RBPMS2: variants seen among roughly 807,000 people sequenced by gnomAD.
RBPMS2 encodes the protein RNA-binding protein with multiple splicing 2.
A neutral mutation model predicts 25.7 loss-of-function variants in RBPMS2; 14 were observed. The ratio of observed to expected loss-of-function variants is 0.55; its 90% confidence interval spans 0.36 to 0.85. The LOEUF (loss-of-function observed/expected upper bound fraction) is 0.85. Among genes scored for constraint, RBPMS2 ranks in the 40% least tolerant of loss-of-function variants. RBPMS2 has a pLI of 0.01. For synonymous variants in RBPMS2, 127 were observed against 115.6 expected (o/e 1.10, Z -0.63); for missense variants, 252 against 283.4 (o/e 0.89, Z 0.80).
intron 6 of RBPMS2, among the ~76,000 whole-genome samples, chr15:64,744,133 G>A (rs1254088897): frequency 1.3e-4 from 19 of 150,334 alleles, no homozygotes; most frequent in Admixed American, 1.1e-3. Flanking sequence ...ACTAAAAAAA[G>A]AGAAAGGAAA....
At chr15:64,763,661 C>A (rs1479468144) in intron 1 of RBPMS2, among the ~76,000 whole-genome samples, 1 of 152,152 alleles carries the variant, frequency 6.6e-6, no homozygotes, top group Non-Finnish European at 1.5e-5. Flanking sequence ...TATGGGGTCC[C>A]CATTTTACAG....
chr15:64,757,812 C>CG (rs954008312), intron 1 of RBPMS2, among the ~76,000 whole-genome samples: 8 of 151,340 alleles, frequency 5.3e-5, no homozygotes, highest in East Asian at 3.9e-4. Context: ...AGGCCCTATC[C>CG]CCCCCCACAA....
At position 64,749,498 on chromosome 15, in the gene RBPMS2, T is replaced by G. The variant is rs1248485226; in HGVS notation, c.205-5A>C. ...AAAGATCACAAAACCAACAGGCTAG[T>G]AGGAAAAAGAGAGAACACCCTTATA... On this transcript the variant is annotated splice_polypyrimidine_tract_variant and splice_region_variant and intron_variant, in intron 3 of 7. Transcript: ENST00000300069. 6.2e-7 allele frequency: 1 copy of G among 1,610,000 alleles called. No individual in the cohort carries two copies. Among genetic ancestry groups the G allele is most frequent in the Admixed American group, 1.7e-5 (1 of 59,002 alleles).
chr15:64,752,563 T>C lies in RBPMS2; in HGVS notation c.88-925A>G, dbSNP rs148385278. The stretch of plus-strand genomic sequence containing the variant: ...ACAGTCAAAACCATTATGCTGAGTT[T>C]TGAAGAACACGCTAAGATCTTGCCA... On this transcript the variant is annotated intron_variant, in intron 1 of 7. Transcript: ENST00000300069. 8.9e-4 allele frequency among the ~76,000 whole-genome samples: 135 copies of C among 152,284 alleles called. 1 individual carries two copies. Among genetic ancestry groups the C allele is most frequent in the African/African-American group, 3.1e-3 (127 of 41,570 alleles).
In RBPMS2 at chr15:64,740,955, C is replaced by A; in HGVS notation, c.*53G>T. ...GCAGTGGGAACTCGGGGCGCCTGTC[C>A]CGGCACCACCACAGATTACCAGAAC... On this transcript the variant is annotated 3_prime_UTR_variant, in exon 8 of 8. Transcript: ENST00000300069. 2.0e-6 allele frequency: 1 copy of A among 496,100 alleles called. No individual in the cohort carries two copies. Among genetic ancestry groups the A allele is most frequent in the Admixed American group, 3.5e-5 (1 of 28,272 alleles). 30.7% of individuals were successfully genotyped at this position (496,100 alleles called of 1,614,324 possible).
At chr15:64,763,605 A>G (rs991074137) in intron 1 of RBPMS2, among the ~76,000 whole-genome samples, 1 of 152,170 alleles carries the variant, frequency 6.6e-6, no homozygotes, top group Non-Finnish European at 1.5e-5. Context: ...TACACAAACC[A>G]TCAGCATGCA....
At chr15:64,752,371 T>C (rs2083690766) in intron 1 of RBPMS2, among the ~76,000 whole-genome samples, 1 of 151,916 alleles carries the variant, frequency 6.6e-6, no homozygotes, top group African/African-American at 2.4e-5. Context: ...ATGCCCACTA[T>C]CCCCTGCAGT....
intron 1 of RBPMS2, among the ~76,000 whole-genome samples, chr15:64,774,648 G>A (rs2083915078): frequency 6.7e-6 from 1 of 150,142 alleles, no homozygotes; most frequent in African/African-American, 2.4e-5. Flanking sequence ...ATTAAATTGT[G>A]GGCTCACCTC....
rs183442734 is a variant in RBPMS2, at chr15:64,742,465, G to C, written c.568-1223C>G. 2.0e-3 allele frequency among the ~76,000 whole-genome samples: 299 copies of C among 152,376 alleles called. 1 individual carries two copies. The highest frequency in any genetic ancestry group is 6.9e-3 in the African/African-American group (286 of 41,596). ...CCACAGAGCAGTAGCCCCAAAGCTG[G>C]GTTCCCAGAGACTGGTCAAGAAAAT... On this transcript the variant is annotated intron_variant, in intron 6 of 7. Coordinates refer to ENST00000300069, the MANE Select transcript of RBPMS2 (RefSeq NM_194272.3).
At chr15:64,747,570 C>T (rs1418540220) in intron 6 of RBPMS2, among the ~76,000 whole-genome samples, 13 of 152,214 alleles carry the variant, frequency 8.5e-5, no homozygotes, top group Admixed American at 8.5e-4. Flanking sequence ...CCTGTGGCTG[C>T]CTGGCTGCAA....
intron 1 of RBPMS2, among the ~76,000 whole-genome samples, chr15:64,754,536 G>A (rs1263523675): frequency 4.0e-5 from 6 of 151,200 alleles, no homozygotes; most frequent in African/African-American, 1.5e-4. Flanking sequence ...CACTTGAATC[G>A]GGAGGCAGAG....
intron 4 of RBPMS2, 75 bp downstream of exon 4, chr15:64,749,356 G>T (rs1338489830): frequency 7.0e-7 from 1 of 1,433,690 alleles, no homozygotes; most frequent in African/African-American, 1.4e-5. Context: ...GGATGGCCGG[G>T]AAATAAGATA....
At chr15:64,772,153 C>T (rs1031942885) in intron 1 of RBPMS2, among the ~76,000 whole-genome samples, 1 of 152,172 alleles carries the variant, frequency 6.6e-6, no homozygotes, top group Non-Finnish European at 1.5e-5. Flanking sequence ...AGGCCAACAG[C>T]AACTGTATTA....
At chr15:64,765,941 T>C (rs2141075560) in intron 1 of RBPMS2, among the ~76,000 whole-genome samples, 1 of 149,856 alleles carries the variant, frequency 6.7e-6, no homozygotes, top group South Asian at 2.1e-4. Context: ...TGCAGTGAGC[T>C]AAGACTGAGC....
intron 1 of RBPMS2, among the ~76,000 whole-genome samples, chr15:64,755,173 C>T (rs1239375926): frequency 2.0e-5 from 3 of 152,042 alleles, no homozygotes; most frequent in Admixed American, 6.6e-5. Context: ...CTTATCCTGG[C>T]TCAAGACTCG....
At chr15:64,746,072 G>C (rs185196578) in intron 6 of RBPMS2, among the ~76,000 whole-genome samples, 1 of 152,130 alleles carries the variant, frequency 6.6e-6, no homozygotes, top group Non-Finnish European at 1.5e-5. Flanking sequence ...ACTGTCAGGG[G>C]GCAAGCAGTG....
chr15:64,744,338 C>T (rs1205998790), intron 6 of RBPMS2, among the ~76,000 whole-genome samples: 1 of 151,976 alleles, frequency 6.6e-6, no homozygotes, highest in African/African-American at 2.4e-5. Flanking sequence ...GCGGACGGAT[C>T]ACCTGAGGTC....
At chr15:64,762,296 G>T (rs892110942) in intron 1 of RBPMS2, 4 of 484,340 alleles carry the variant, frequency 8.3e-6, no homozygotes, top group African/African-American at 5.9e-5. Context: ...CTGACAGACT[G>T]TCAACTCCCC....
At chr15:64,752,163 T>C (rs1482811554) in intron 1 of RBPMS2, among the ~76,000 whole-genome samples, 1 of 151,900 alleles carries the variant, frequency 6.6e-6, no homozygotes, top group Non-Finnish European at 1.5e-5. Flanking sequence ...AAGCCTCCTC[T>C]AAAAATCTGA....
Sources: gnomAD v4.1 joint callset for allele counts (sites outside exome capture counted in the v4.1 genomes callset) on GRCh38, gnomAD v4.1.1 for gene constraint, MANE v1.5 for transcripts, NCBI Gene and HGNC (gene_info 2026-07-23, HGNC 2026-07-21) for gene names.